RBFOX2: variants seen among roughly 807,000 people sequenced by gnomAD.
RBFOX2 encodes RNA binding protein fox-1 homolog 2.
A neutral mutation model predicts 49.1 loss-of-function variants in RBFOX2; 10 were observed. The observed-to-expected ratio is 0.20, with a 90% confidence interval of 0.13 to 0.35. The LOEUF (loss-of-function observed/expected upper bound fraction) is 0.35, where lower values mean the gene tolerates loss of function less well. RBFOX2 is among the 10% of genes least tolerant of loss of function. The pLI is 1.00. For synonymous variants in RBFOX2, 183 were observed against 187.4 expected (o/e 0.98, Z 0.19); for missense variants, 323 against 486.9 (o/e 0.66, Z 3.17).
At chr22:35,837,435 G>A (rs1374547704) in intron 1 of RBFOX2, among the ~76,000 whole-genome samples, 1 of 152,056 alleles carries the variant, frequency 6.6e-6, no homozygotes, top group Non-Finnish European at 1.5e-5. Flanking sequence ...TCTATATTGA[G>A]AAAGCTTATG....
intron 1 of RBFOX2, among the ~76,000 whole-genome samples, chr22:35,912,522 C>A (rs1157296243): frequency 6.6e-6 from 1 of 152,156 alleles, no homozygotes; most frequent in Non-Finnish European, 1.5e-5. Flanking sequence ...CTCTCCAGTA[C>A]CTGAGGATGA....
At chr22:36,016,596 A>C (rs1209963984) in intron 1 of RBFOX2, among the ~76,000 whole-genome samples, 1 of 152,232 alleles carries the variant, frequency 6.6e-6, no homozygotes, top group Admixed American at 6.5e-5. Flanking sequence ...CAGCCTATAC[A>C]TGGGAAAAAT....
At chr22:35,918,132 T>G (rs2050630814) in intron 1 of RBFOX2, among the ~76,000 whole-genome samples, 2 of 152,196 alleles carry the variant, frequency 1.3e-5, no homozygotes, top group African/African-American at 4.8e-5. Context: ...GTTTCAGTGT[T>G]AGGGCTGACA....
At chr22:35,834,665 G>C (rs565036934) in intron 1 of RBFOX2, among the ~76,000 whole-genome samples, 2 of 152,150 alleles carry the variant, frequency 1.3e-5, no homozygotes, top group African/African-American at 4.8e-5. Flanking sequence ...AAGACATTTT[G>C]GGCAGGGAGA....
chr22:35,833,292 TA>T lies in RBFOX2; in HGVS notation c.27+6899del, dbSNP rs540865743. 2.9e-3 allele frequency among the ~76,000 whole-genome samples: 437 copies of T among 152,322 alleles called. 4 individuals are homozygous for T. The highest frequency in any genetic ancestry group is 4.1e-3 in the Non-Finnish European group (281 of 68,026). On this transcript the variant is annotated intron_variant, in intron 1 of 11. Coordinates refer to ENST00000405409, the Ensembl canonical transcript of RBFOX2. ...GGGAACGTTCAGCAGTATCTTCAAA[TA>T]TTTGGTTTTTATGTAGAAGACATGA...
At chr22:35,998,650 T>A (rs1452211126) in intron 1 of RBFOX2, 1 of 152,248 alleles carries the variant, frequency 6.6e-6, no homozygotes, top group Non-Finnish European at 1.5e-5. Context: ...GTGCTGAGAT[T>A]ACAAGCATGA....
upstream of RBFOX2, among the ~76,000 whole-genome samples, chr22:35,842,452 T>C (rs73159799): frequency 0.019 from 2,825 of 152,202 alleles, 39 homozygotes; most frequent in Middle Eastern, 0.034. Flanking sequence ...TAAAAAGCAG[T>C]CAAATTTTCT....
At chr22:35,768,612 C>T (rs935041923) in intron 4 of RBFOX2, among the ~76,000 whole-genome samples, 5 of 152,024 alleles carry the variant, frequency 3.3e-5, no homozygotes, top group Admixed American at 2.0e-4. Context: ...TGAGGCCAGA[C>T]CAAAATTAAG....
At chr22:35,847,654 TG>T (rs966739033) in intron 1 of RBFOX2, among the ~76,000 whole-genome samples, 10 of 152,196 alleles carry the variant, frequency 6.6e-5, no homozygotes, top group Admixed American at 3.3e-4. Flanking sequence ...AATTTAAAAT[TG>T]TTTTTTTTTA....
intron 1 of RBFOX2, among the ~76,000 whole-genome samples, chr22:35,951,398 A>T (rs1038652125): frequency 6.6e-6 from 1 of 151,452 alleles, no homozygotes; most frequent in African/African-American, 2.4e-5. Flanking sequence ...GGCATGTGCC[A>T]CCACACCCGG....
intron 1 of RBFOX2, among the ~76,000 whole-genome samples, chr22:35,934,598 G>A (rs776187190): frequency 6.6e-6 from 1 of 152,104 alleles, no homozygotes; most frequent in African/African-American, 2.4e-5. Flanking sequence ...AAAAGCGAGC[G>A]AGGGGCCAGC....
At chr22:35,845,203 A>T (rs1229347913), upstream of RBFOX2, among the ~76,000 whole-genome samples, 4 of 152,298 alleles carry the variant, frequency 2.6e-5, no homozygotes, top group East Asian at 7.7e-4. Context: ...AACTAAGTGT[A>T]AATAACAATT....
At chr22:35,951,022 C>T (rs1171219738) in intron 1 of RBFOX2, among the ~76,000 whole-genome samples, 2 of 145,164 alleles carry the variant, frequency 1.4e-5, no homozygotes, top group South Asian at 2.3e-4. Context: ...GGTACAATCA[C>T]AGCTCACTGC....
In RBFOX2 at chr22:35,861,232, C is replaced by T. The variant is rs2043057341; in HGVS notation, c.-33-51228G>A. On this transcript the variant is annotated intron_variant, in intron 1 of 13. Transcript: ENST00000359369. Reference sequence around the variant, plus strand: ...CTGTAAAACTTCTAGGAGAAAACTTCTGTGACCTTGGATTAGGCAAAGATT... The same window carrying T: ...CTGTAAAACTTCTAGGAGAAAACTTTTGTGACCTTGGATTAGGCAAAGATT... Among the ~76,000 whole-genome samples the T allele has an allele frequency of 2.6e-5, 4 of 152,184 alleles. No homozygotes were observed. The South Asian group carries it at 8.3e-4, about 32-fold the overall frequency.
intron 1 of RBFOX2, among the ~76,000 whole-genome samples, chr22:35,829,792 A>G (rs556884394): frequency 1.3e-5 from 2 of 152,182 alleles, no homozygotes; most frequent in Admixed American, 1.3e-4. Flanking sequence ...AATCCCTAAG[A>G]TTTCATTGTC....
At chr22:35,926,887 T>C (rs1417387560) in intron 1 of RBFOX2, among the ~76,000 whole-genome samples, 1 of 152,160 alleles carries the variant, frequency 6.6e-6, no homozygotes, top group Non-Finnish European at 1.5e-5. Context: ...AGAGACTTTC[T>C]GGGTTACCTG....
At chr22:35,772,291 A>C (rs1279636893) in intron 4 of RBFOX2, among the ~76,000 whole-genome samples, 1 of 152,160 alleles carries the variant, frequency 6.6e-6, no homozygotes, top group Non-Finnish European at 1.5e-5. Flanking sequence ...ATATAATACA[A>C]ACCACATATA....
intron 4 of RBFOX2, among the ~76,000 whole-genome samples, chr22:35,769,601 CAA>C (rs1942079486): frequency 1.3e-5 from 2 of 152,112 alleles, no homozygotes; most frequent in South Asian, 2.1e-4. Context: ...GGATTTTCTA[CAA>C]AGTCTTCATT....
intron 1 of RBFOX2, among the ~76,000 whole-genome samples, chr22:36,006,362 T>C (rs2058619269): frequency 6.6e-6 from 1 of 152,374 alleles, no homozygotes; most frequent in Admixed American, 6.5e-5. Flanking sequence ...GGAAAGTTTC[T>C]TGAAGGATGC....
Sources: gnomAD v4.1 joint callset for allele counts (sites outside exome capture counted in the v4.1 genomes callset) on GRCh38, gnomAD v4.1.1 for gene constraint, MANE v1.5 for transcripts, NCBI Gene and HGNC (gene_info 2026-07-23, HGNC 2026-07-21) for gene names.